The following MPZL1 variants were observed in gnomAD, a reference collection of about 807,000 sequenced individuals.
MPZL1 encodes myelin protein zero like 1.
A neutral mutation model predicts 29.3 loss-of-function variants in MPZL1; 16 were observed. The observed-to-expected ratio is 0.55, with a 90% confidence interval of 0.37 to 0.83. The LOEUF (loss-of-function observed/expected upper bound fraction) is 0.83, where lower values mean the gene tolerates loss of function less well. Ranked by LOEUF, MPZL1 falls within the 40% of genes least tolerant of loss-of-function variation. The pLI is 0.00. For missense variants in MPZL1, 279 were observed against 332.9 expected (o/e 0.84, Z 1.26); for synonymous variants, 143 against 132.0 (o/e 1.08, Z -0.57).
chr1:167,727,108 T>C (rs1660163583), intron 1 of MPZL1, among the ~76,000 whole-genome samples: 1 of 152,224 alleles, frequency 6.6e-6, no homozygotes, highest in African/African-American at 2.4e-5. Flanking sequence ...ATAAGGGATA[T>C]GTTATAGGGT....
At chr1:167,738,053 G>T (rs1660414749) in intron 1 of MPZL1, among the ~76,000 whole-genome samples, 1 of 152,126 alleles carries the variant, frequency 6.6e-6, no homozygotes, top group South Asian at 2.1e-4. Context: ...AGCCTCTTGA[G>T]TTGCTGGGAC....
chr1:167,733,459 C>T (rs1660310375), intron 1 of MPZL1, among the ~76,000 whole-genome samples: 1 of 152,174 alleles, frequency 6.6e-6, no homozygotes, highest in Non-Finnish European at 1.5e-5. Context: ...AAGGTGTGTC[C>T]TCTGGCTGGG....
intron 2 of MPZL1, 60 bp downstream of exon 2, chr1:167,765,809 A>G (rs1661105052): frequency 1.4e-6 from 2 of 1,418,802 alleles, no homozygotes; most frequent in Non-Finnish European, 1.9e-6. Context: ...ACTGCTGTAT[A>G]ATTGGTGATC....
intron 1 of MPZL1, among the ~76,000 whole-genome samples, chr1:167,740,089 C>A (rs1660486099): frequency 1.3e-5 from 2 of 152,220 alleles, no homozygotes; most frequent in Non-Finnish European, 2.9e-5. Flanking sequence ...GGCAATCCCT[C>A]AACCCTGGGA....
intron 1 of MPZL1, among the ~76,000 whole-genome samples, chr1:167,757,136 G>A (rs943098822): frequency 1.1e-4 from 16 of 152,150 alleles, no homozygotes; most frequent in Admixed American, 1.3e-4. Flanking sequence ...CCTGATTCGC[G>A]GGAGGAAAGA....
intron 4 of MPZL1, chr1:167,774,765 A>G (rs948260759): frequency 6.6e-6 from 1 of 152,000 alleles, no homozygotes; most frequent in Non-Finnish European, 1.5e-5. Context: ...CTTATCTTCC[A>G]CTTCTTAAGA....
At chr1:167,751,828 A>T (rs1169112788) in intron 1 of MPZL1, among the ~76,000 whole-genome samples, 1 of 152,234 alleles carries the variant, frequency 6.6e-6, no homozygotes, top group Non-Finnish European at 1.5e-5. Flanking sequence ...TGAGTCACTC[A>T]TGGAAATTTT....
At chr1:167,784,052 A>C (rs1661544252) in intron 5 of MPZL1, among the ~76,000 whole-genome samples, 1 of 152,200 alleles carries the variant, frequency 6.6e-6, no homozygotes, top group African/African-American at 2.4e-5. Context: ...ATGACTCCTG[A>C]GCAGTTAATT....
chr1:167,722,056 A>C lies in MPZL1; in HGVS notation c.-96A>C. 4 of 1,225,006 alleles carry C rather than the reference A, an allele frequency of 3.3e-6. No individual in the cohort carries two copies. Among genetic ancestry groups the C allele is most frequent in the Non-Finnish European group, 3.1e-6 (3 of 983,152 alleles). 75.9% of individuals were successfully genotyped at this position (1,225,006 alleles called of 1,614,324 possible). On this transcript the variant is annotated 5_prime_UTR_variant, in exon 1 of 6. Coordinates refer to ENST00000359523, the MANE Select transcript of MPZL1 (RefSeq NM_003953.6). ...AGGTGCCACCCGGCGCGGGTGGCGG[A>C]GAGATCAGAAGCCTCTTCCCCAAGC...
chr1:167,765,442 T>C, intron 1 of MPZL1, 141 bp from the exon 2 acceptor site: 1 of 596,832 alleles, frequency 1.7e-6, no homozygotes, highest in Non-Finnish European at 2.8e-6. Flanking sequence ...AGCTGTAGAA[T>C]ATTCTGCCAG....
rs1571178450 is a variant in MPZL1, at chr1:167,788,206, G to C, written c.*285G>C. ...TTTCTTTTCAGGTCATTTACAATTG[G>C]GAGATTTCAGAAACATTCCTTTCAC... is the stretch of plus-strand genomic sequence containing the variant. On this transcript the variant is annotated 3_prime_UTR_variant, in exon 6 of 6. Coordinates refer to ENST00000359523, the MANE Select transcript of MPZL1 (RefSeq NM_003953.6). 3.2e-6 allele frequency: 1 copy of C among 312,846 alleles called. No homozygotes were observed. The highest frequency in any genetic ancestry group is 5.2e-5 in the South Asian group (1 of 19,176). The allele number at this position is 312,846 out of a possible 1,614,324, so 19.4% of individuals were successfully genotyped here.
In MPZL1 at chr1:167,745,931, G is replaced by C. The variant is rs118134821; in HGVS notation, c.92-19652G>C. Among the ~76,000 whole-genome samples the C allele has an allele frequency of 5.5e-4, 84 of 152,178 alleles. 2 individuals are homozygous for C. In the East Asian group the frequency reaches 0.013, roughly 24 times the overall value. On this transcript the variant is annotated intron_variant, in intron 1 of 5. Transcript: ENST00000359523. ...TTTAATATCTCTGATATTGGGATAT[G>C]CCTTACAATTGTTGGCGAGTCATAG...
At position 167,733,198 on chromosome 1, in the gene MPZL1, G is replaced by A. The variant is rs528438575; in HGVS notation, c.91+10956G>A. 2.8e-4 allele frequency among the ~76,000 whole-genome samples: 43 copies of A among 152,296 alleles called. No homozygotes were observed. In the South Asian group the frequency reaches 4.4e-3, roughly 15 times the overall value. Reference sequence around the variant, plus strand: ...TGATCAATGCCATAGATCTGTGAGAGTCAGACTTCCAGCTGTGCCTTGACT... The same window carrying A: ...TGATCAATGCCATAGATCTGTGAGAATCAGACTTCCAGCTGTGCCTTGACT... On this transcript the variant is annotated intron_variant, in intron 1 of 5. Coordinates refer to ENST00000359523, the MANE Select transcript of MPZL1 (RefSeq NM_003953.6).
intron 1 of MPZL1, among the ~76,000 whole-genome samples, chr1:167,724,799 G>A (rs1245559303): frequency 6.6e-6 from 1 of 152,184 alleles, no homozygotes; most frequent in African/African-American, 2.4e-5. Context: ...TGGAGATTTA[G>A]AGAGTTATGT....
intron 2 of MPZL1, among the ~76,000 whole-genome samples, chr1:167,771,841 G>A (rs1002871016): frequency 6.6e-6 from 1 of 152,162 alleles, no homozygotes; most frequent in African/African-American, 2.4e-5. Flanking sequence ...GCAGCATTGA[G>A]CATTGAGTGA....
chr1:167,761,829 A>G (rs2101778608), intron 1 of MPZL1, among the ~76,000 whole-genome samples: 1 of 152,314 alleles, frequency 6.6e-6, no homozygotes, highest in Non-Finnish European at 1.5e-5. Context: ...ACCAGGATAG[A>G]GGTTCCAGGT....
At chr1:167,757,018 TA>T (rs1660884191) in intron 1 of MPZL1, among the ~76,000 whole-genome samples, 1 of 152,192 alleles carries the variant, frequency 6.6e-6, no homozygotes, top group African/African-American at 2.4e-5. Context: ...TGTTCCTGAC[TA>T]ATGAAAAGCT....
intron 2 of MPZL1, among the ~76,000 whole-genome samples, chr1:167,768,556 A>G (rs1049379408): frequency 6.6e-6 from 1 of 152,070 alleles, no homozygotes; most frequent in Non-Finnish European, 1.5e-5. Flanking sequence ...CTTTAGCACC[A>G]TGGCTTGTAC....
At chr1:167,769,797 C>T (rs1661199699) in intron 2 of MPZL1, among the ~76,000 whole-genome samples, 1 of 152,134 alleles carries the variant, frequency 6.6e-6, no homozygotes, top group Non-Finnish European at 1.5e-5. Context: ...ATGAGTTAGA[C>T]ATACCAGTTA....
Sources: gnomAD v4.1 joint callset for allele counts (sites outside exome capture counted in the v4.1 genomes callset) on GRCh38, gnomAD v4.1.1 for gene constraint, MANE v1.5 for transcripts, NCBI Gene and HGNC (gene_info 2026-07-23, HGNC 2026-07-21) for gene names.